The following FRMD3 variants were observed in gnomAD, a reference collection of about 807,000 sequenced individuals.
FRMD3 encodes FERM domain containing 3.
Under a neutral mutation model 70.2 loss-of-function variants are expected in FRMD3, and 33 were observed. The observed-to-expected ratio is 0.47, with a 90% CI of 0.36 to 0.63. FRMD3 has a LOEUF of 0.63. FRMD3 is among the 20% of genes least tolerant of loss of function. The pLI is 0.00. For missense variants in FRMD3, 632 were observed against 711.4 expected (o/e 0.89, Z 1.27); for synonymous variants, 279 against 255.9 (o/e 1.09, Z -0.86).
chr9:83,452,268 G>T (rs1345192397), intron 1 of FRMD3, among the ~76,000 whole-genome samples: 1 of 152,168 alleles, frequency 6.6e-6, no homozygotes, highest in Non-Finnish European at 1.5e-5. Flanking sequence ...GAATGAGTTG[G>T]CCCGATCTCT....
At chr9:83,465,733 A>G (rs1828109811) in intron 1 of FRMD3, among the ~76,000 whole-genome samples, 1 of 152,244 alleles carries the variant, frequency 6.6e-6, no homozygotes, top group South Asian at 2.1e-4. Flanking sequence ...CGTCCGCTGC[A>G]CTGAAATTAA....
chr9:83,488,705 G>C (rs866270589), intron 1 of FRMD3, among the ~76,000 whole-genome samples: 20 of 152,066 alleles, frequency 1.3e-4, no homozygotes, highest in African/African-American at 4.3e-4. Flanking sequence ...TTAAGGGCAG[G>C]GACCTTGTCT....
the FRMD3 span, among the ~76,000 whole-genome samples, chr9:83,571,553 G>A: frequency 4.6e-5 from 7 of 152,188 alleles, no homozygotes; most frequent in South Asian, 6.2e-4. Context: ...TTTTAGTTGC[G>A]TGTTGACATC....
the FRMD3 span, among the ~76,000 whole-genome samples, chr9:83,576,836 A>G: frequency 1.3e-5 from 2 of 152,124 alleles, no homozygotes; most frequent in African/African-American, 4.8e-5. Context: ...ATGATTTTAT[A>G]TACAGAAAAT....
intron 1 of FRMD3, among the ~76,000 whole-genome samples, chr9:83,483,712 T>C (rs1828622721): frequency 6.6e-6 from 1 of 151,974 alleles, no homozygotes; most frequent in Admixed American, 6.6e-5. Context: ...TTAGAAAAAT[T>C]AGCTGGGCAT....
chr9:83,245,232 T>C lies in FRMD3; in HGVS notation c.*2686A>G. 1.0e-6 allele frequency: 1 copy of C among 984,602 alleles called. No individual in the cohort carries two copies. The allele number at this position is 984,602 out of a possible 1,614,324, so 61.0% of individuals were successfully genotyped here. A position where few individuals can be genotyped will look rare whatever the true frequency, so the allele number is the denominator to read the frequency against. The stretch of plus-strand genomic sequence containing the variant: ...ACACATATACCAATAATATGGAATA[T>C]ACATATACTCACACACTTGCTTTAA... On this transcript the variant is annotated 3_prime_UTR_variant, in exon 14 of 14. Coordinates refer to ENST00000304195, the MANE Select transcript of FRMD3 (RefSeq NM_174938.6).
chr9:83,342,382 G>A (rs1823790695), intron 5 of FRMD3, among the ~76,000 whole-genome samples: 1 of 152,214 alleles, frequency 6.6e-6, no homozygotes, highest in African/African-American at 2.4e-5. Flanking sequence ...TAATGGGCCT[G>A]CGCTACCCCT....
intron 1 of FRMD3, among the ~76,000 whole-genome samples, chr9:83,486,960 G>A (rs1316822562): frequency 2.0e-5 from 3 of 152,154 alleles, no homozygotes; most frequent in African/African-American, 7.2e-5. Flanking sequence ...TCAACATGAA[G>A]CCATAAACTG....
chr9:83,388,859 A>T (rs1484008989), intron 2 of FRMD3, among the ~76,000 whole-genome samples: 3 of 152,086 alleles, frequency 2.0e-5, no homozygotes, highest in African/African-American at 7.2e-5. Flanking sequence ...CATCAATATG[A>T]AGTTTCAAAC....
At chr9:83,270,843 A>ATT (rs36067089) in intron 13 of FRMD3, among the ~76,000 whole-genome samples, 18,061 of 143,646 alleles carry the variant, frequency 0.13, 1,141 homozygotes, top group Admixed American at 0.15. Context: ...ATACATGGTC[A>ATT]TTTTTTTTTT....
rs1168350466 is a variant in FRMD3, at chr9:83,500,516, A to G, written c.147+37569T>C. Among the ~76,000 whole-genome samples the G allele has an allele frequency of 2.6e-5, 4 of 151,808 alleles. No homozygotes were observed. In the East Asian group the frequency reaches 7.7e-4, roughly 29 times the overall value. ...CGTGTATGCGCGCACACACACACAC[A>G]CACACACACACACACACACACACAA... On this transcript the variant is annotated intron_variant, in intron 1 of 13. Coordinates refer to ENST00000304195, the MANE Select transcript of FRMD3 (RefSeq NM_174938.6).
chr9:83,436,471 T>C (rs527545636), intron 1 of FRMD3, among the ~76,000 whole-genome samples: 3 of 151,446 alleles, frequency 2.0e-5, no homozygotes, highest in Non-Finnish European at 2.9e-5. Context: ...TGTGTGTGTG[T>C]GTGTGTGTGT....
At chr9:83,527,081 A>G (rs1264729146) in intron 1 of FRMD3, among the ~76,000 whole-genome samples, 1 of 152,116 alleles carries the variant, frequency 6.6e-6, no homozygotes, top group Non-Finnish European at 1.5e-5. Flanking sequence ...AGGGGCTTCC[A>G]GGCACTGCTG....
intron 1 of FRMD3, among the ~76,000 whole-genome samples, chr9:83,462,735 TC>T (rs1828011100): frequency 6.6e-6 from 1 of 152,162 alleles, no homozygotes; most frequent in Non-Finnish European, 1.5e-5. Flanking sequence ...TCCAGCAATT[TC>T]GGCTGCCTCC....
chr9:83,532,638 C>T (rs1829812786), intron 1 of FRMD3, among the ~76,000 whole-genome samples: 1 of 152,176 alleles, frequency 6.6e-6, no homozygotes, highest in African/African-American at 2.4e-5. Context: ...CATGCACACA[C>T]ACACACACAC....
chr9:83,463,427 A>C (rs1343637144), intron 1 of FRMD3, among the ~76,000 whole-genome samples: 2 of 152,188 alleles, frequency 1.3e-5, no homozygotes, highest in Admixed American at 6.5e-5. Context: ...AAGCAAACAC[A>C]TCCTTCTTCA....
At position 83,247,440 on chromosome 9, in the gene FRMD3, T is replaced by A. The variant is rs1057392713; in HGVS notation, c.*478A>T. 7.1e-6 allele frequency: 7 copies of A among 982,766 alleles called. No homozygotes were observed. Among genetic ancestry groups the A allele is most frequent in the Non-Finnish European group, 8.5e-6 (7 of 827,420 alleles). The allele number at this position is 982,766 out of a possible 1,614,324, so 60.9% of individuals were successfully genotyped here. A position where few individuals can be genotyped will look rare whatever the true frequency, so the allele number is the denominator to read the frequency against. On this transcript the variant is annotated 3_prime_UTR_variant, in exon 14 of 14. Transcript: ENST00000304195. ...TAGTTTGAACACATAAAAATATTTT[T>A]AAAAAAACAGAACCAAAAACCCAGC...
At chr9:83,430,128 GC>G (rs1487839993) in intron 1 of FRMD3, among the ~76,000 whole-genome samples, 3 of 152,032 alleles carry the variant, frequency 2.0e-5, no homozygotes, top group African/African-American at 7.3e-5. Context: ...CTTATCCCTA[GC>G]CTTGGTCTCA....
chr9:83,503,974 T>C (rs1829128105), intron 1 of FRMD3, among the ~76,000 whole-genome samples: 1 of 152,194 alleles, frequency 6.6e-6, no homozygotes, highest in South Asian at 2.1e-4. Flanking sequence ...GCTCTGTAGC[T>C]GGTGACAAGG....
Sources: allele counts gnomAD v4.1 joint callset (sites outside exome capture counted in the v4.1 genomes callset), GRCh38; gene constraint gnomAD v4.1.1; transcripts MANE v1.5; gene names NCBI Gene and HGNC (gene_info 2026-07-23, HGNC 2026-07-21).